The following TRIM37 variants were observed in gnomAD, a reference collection of about 807,000 sequenced individuals.
TRIM37 encodes the protein tripartite motif containing 37, also known as E3 ubiquitin-protein ligase TRIM37.
A neutral mutation model predicts 129.8 loss-of-function variants in TRIM37; 80 were observed. The observed-to-expected ratio is 0.62, with a 90% CI of 0.51 to 0.74. The LOEUF is 0.74. Among genes scored for constraint, TRIM37 ranks in the 30% least tolerant of loss-of-function variants. The pLI is 0.00. For missense variants in TRIM37, 1,054 were observed against 1,176.5 expected (o/e 0.90, Z 1.52); for synonymous variants, 389 against 387.1 (o/e 1.00, Z -0.06).
At chr17:59,050,254 CACAA>C (rs1184586599) in intron 14 of TRIM37, among the ~76,000 whole-genome samples, 1 of 152,196 alleles carries the variant, frequency 6.6e-6, no homozygotes, top group East Asian at 1.9e-4. Context: ...CTGACAGAAA[CACAA>C]ACAGCTTACC....
intron 13 of TRIM37, among the ~76,000 whole-genome samples, chr17:59,051,873 G>A (rs1287640976): frequency 1.3e-5 from 2 of 151,826 alleles, no homozygotes; most frequent in Non-Finnish European, 2.9e-5. Flanking sequence ...TGGGACTACA[G>A]GCGCCCGCCA....
At chr17:59,059,966 A>C (rs972842151) in intron 12 of TRIM37, among the ~76,000 whole-genome samples, 1 of 152,176 alleles carries the variant, frequency 6.6e-6, no homozygotes, top group Non-Finnish European at 1.5e-5. Flanking sequence ...AATCCTGTCA[A>C]GGAGTTCTTT....
chr17:59,072,737 G>A lies in TRIM37; in HGVS notation c.685-1790C>T, dbSNP rs1022043705. 4.9e-5 allele frequency among the ~76,000 whole-genome samples: 7 copies of A among 142,090 alleles called. 1 individual carries two copies. The highest frequency in any genetic ancestry group is 1.8e-4 in the African/African-American group (7 of 38,418). The allele number at this position is 142,090 out of a possible 152,430, so 93.2% of individuals were successfully genotyped here. On this transcript the variant is annotated intron_variant, in intron 8 of 23. Coordinates refer to ENST00000262294, the MANE Select transcript of TRIM37 (RefSeq NM_015294.6). ...CACTCCAGCGTGGGCGACAAGGCAA[G>A]ACTCTGTCTCAAAAAAAAAAAAAAG...
intron 23 of TRIM37, 95 bp from the exon 24 acceptor site, chr17:58,999,554 G>A: frequency 1.9e-6 from 2 of 1,056,042 alleles, no homozygotes; most frequent in Non-Finnish European, 2.7e-6. Context: ...CTTACCAAAT[G>A]TGTTATTTAA....
At chr17:59,040,999 T>C (rs2039084658) in intron 17 of TRIM37, among the ~76,000 whole-genome samples, 5 of 151,874 alleles carry the variant, frequency 3.3e-5, no homozygotes, top group South Asian at 2.1e-4. Flanking sequence ...TGAGCCGAGA[T>C]TGCGCCACTG....
intron 13 of TRIM37, among the ~76,000 whole-genome samples, chr17:59,054,011 C>A (rs1379192973): frequency 6.6e-6 from 1 of 152,158 alleles, no homozygotes; most frequent in Non-Finnish European, 1.5e-5. Flanking sequence ...CTTCTTTATA[C>A]TTCCAGAAAA....
At chr17:59,034,358 T>C (rs2038222861) in intron 17 of TRIM37, among the ~76,000 whole-genome samples, 1 of 152,106 alleles carries the variant, frequency 6.6e-6, no homozygotes, top group Admixed American at 6.5e-5. Context: ...AACTGCTTTT[T>C]TTTTTAATGT....
chr17:59,080,755 C>A (rs533385706), intron 6 of TRIM37, among the ~76,000 whole-genome samples: 21 of 152,224 alleles, frequency 1.4e-4, no homozygotes, highest in Admixed American at 1.4e-3. Flanking sequence ...CGCGCCATTA[C>A]ACTCCAGCCT....
chr17:59,072,541 G>T (rs958024995), intron 8 of TRIM37, among the ~76,000 whole-genome samples: 9 of 151,890 alleles, frequency 5.9e-5, no homozygotes, highest in Non-Finnish European at 1.3e-4. Flanking sequence ...CTCATGACCT[G>T]GCTAGTTCAA....
the TRIM37 span, chr17:58,972,183 C>A: frequency 6.2e-7 from 1 of 1,613,762 alleles, no homozygotes; most frequent in Non-Finnish European, 8.5e-7. Flanking sequence ...AGGCAACATG[C>A]TACATGTGGC....
At chr17:58,967,949 G>A in the TRIM37 span, among the ~76,000 whole-genome samples, 18 of 151,878 alleles carry the variant, frequency 1.2e-4, no homozygotes, top group African/African-American at 2.9e-4. Context: ...GAGTACAGGC[G>A]CGTGCCACCA....
intron 13 of TRIM37, among the ~76,000 whole-genome samples, chr17:59,054,434 T>C (rs745603560): frequency 7.2e-5 from 11 of 152,094 alleles, no homozygotes; most frequent in Non-Finnish European, 1.2e-4. Context: ...CCCAAGTAGC[T>C]GGGATTACAA....
intron 16 of TRIM37, among the ~76,000 whole-genome samples, chr17:59,043,629 G>A (rs1212018680): frequency 6.6e-6 from 1 of 152,162 alleles, no homozygotes; most frequent in Admixed American, 6.5e-5. Flanking sequence ...CCAAGAGGTG[G>A]AGACTCCCTT....
intron 18 of TRIM37, among the ~76,000 whole-genome samples, chr17:59,031,610 AAAG>A (rs775366593): frequency 6.6e-6 from 1 of 152,268 alleles, no homozygotes; most frequent in Non-Finnish European, 1.5e-5. Flanking sequence ...GTCCATTCAT[AAAG>A]AAGATAACCG....
intron 24 of TRIM37, among the ~76,000 whole-genome samples, chr17:58,987,879 C>T (rs1037898102): frequency 6.6e-6 from 1 of 152,158 alleles, no homozygotes; most frequent in African/African-American, 2.4e-5. Flanking sequence ...GTGTGTTTTA[C>T]ATATATACAT....
At chr17:58,971,348 A>G in the TRIM37 span, among the ~76,000 whole-genome samples, 1 of 152,132 alleles carries the variant, frequency 6.6e-6, no homozygotes, top group Non-Finnish European at 1.5e-5. Flanking sequence ...ACCACCCCTG[A>G]CGCATTGGTT....
At chr17:59,018,736 G>A (rs1287298016) in intron 19 of TRIM37, among the ~76,000 whole-genome samples, 1 of 132,262 alleles carries the variant, frequency 7.6e-6, no homozygotes, top group Non-Finnish European at 1.6e-5. Context: ...TTTTTTTTTT[G>A]CAGAAATTGA....
At chr17:58,981,264 G>C (rs778959735), downstream of TRIM37, 1 of 466,080 alleles carries the variant, frequency 2.1e-6, no homozygotes, top group Admixed American at 3.9e-5. Context: ...GATGTGTCTC[G>C]ACACCAATAC....
At chr17:59,023,877 T>C (rs1262951942) in intron 19 of TRIM37, among the ~76,000 whole-genome samples, 1 of 152,060 alleles carries the variant, frequency 6.6e-6, no homozygotes, top group East Asian at 1.9e-4. Flanking sequence ...ATGATATAAA[T>C]ACTTAGAAAA....
Sources: gnomAD v4.1 joint callset for allele counts (sites outside exome capture counted in the v4.1 genomes callset) on GRCh38, gnomAD v4.1.1 for gene constraint, MANE v1.5 for transcripts, NCBI Gene and HGNC (gene_info 2026-07-23, HGNC 2026-07-21) for gene names.